Variants in TRERF1 observed in about 807,000 individuals in gnomAD.
TRERF1 encodes the protein transcriptional regulating factor 1, also known as transcriptional-regulating factor 1.
Under a neutral mutation model 122.9 loss-of-function variants are expected in TRERF1, and 27 were observed. The ratio of observed to expected loss-of-function variants is 0.22; its 90% CI spans 0.16 to 0.30. The LOEUF (loss-of-function observed/expected upper bound fraction) is 0.30. Among genes scored for constraint, TRERF1 ranks in the 10% least tolerant of loss-of-function variants. TRERF1 has a pLI of 1.00. For synonymous variants in TRERF1, 636 were observed against 641.7 expected (o/e 0.99, Z 0.13); for missense variants, 1,248 against 1,560.3 (o/e 0.80, Z 3.37).
At chr6:42,354,938 G>C (rs1270043915) in intron 3 of TRERF1, among the ~76,000 whole-genome samples, 1 of 152,164 alleles carries the variant, frequency 6.6e-6, no homozygotes, top group African/African-American at 2.4e-5. Context: ...AATGGTACTA[G>C]ACTCATGAAC....
At chr6:42,235,700 T>G (rs554878690) in intron 16 of TRERF1, among the ~76,000 whole-genome samples, 7 of 152,328 alleles carry the variant, frequency 4.6e-5, no homozygotes, top group African/African-American at 1.7e-4. Context: ...TGTTCTCAAT[T>G]TTAAATTAGT....
At chr6:42,265,866 T>A (rs1171056025) in intron 5 of TRERF1, 69 bp from the exon 6 acceptor site, 3 of 1,527,936 alleles carry the variant, frequency 2.0e-6, no homozygotes, top group Non-Finnish European at 2.7e-6. Context: ...GGAGAAGTCC[T>A]CGAGCAGTGG....
intron 2 of TRERF1, among the ~76,000 whole-genome samples, chr6:42,364,068 G>T (rs946847931): frequency 1.3e-5 from 2 of 152,230 alleles, no homozygotes; most frequent in Non-Finnish European, 2.9e-5. Context: ...CAAAGTCCTT[G>T]AAATGGCCAC....
intron 2 of TRERF1, among the ~76,000 whole-genome samples, chr6:42,371,363 C>A (rs1207910005): frequency 3.3e-5 from 5 of 152,156 alleles, no homozygotes; most frequent in Non-Finnish European, 5.9e-5. Context: ...CCAAATGCTT[C>A]CTCACTTGAT....
intron 2 of TRERF1, among the ~76,000 whole-genome samples, chr6:42,440,085 ACTCAT>A (rs909800911): frequency 6.6e-6 from 1 of 152,102 alleles, no homozygotes; most frequent in African/African-American, 2.4e-5. Flanking sequence ...GGGGCAGGGC[ACTCAT>A]CTCTTCTAAC....
chr6:42,332,840 TGAGGAGGGTCTTCTACG>T (rs563906402), intron 3 of TRERF1, among the ~76,000 whole-genome samples: 94 of 152,288 alleles, frequency 6.2e-4, no homozygotes, highest in African/African-American at 2.0e-3. Context: ...CAGCTGGGTA[TGAGGAGGGTCTTCTACG>T]GAGGAGGGTC....
chr6:42,412,092 C>T (rs1781190224), intron 2 of TRERF1, among the ~76,000 whole-genome samples: 1 of 151,256 alleles, frequency 6.6e-6, no homozygotes, highest in Non-Finnish European at 1.5e-5. Context: ...ACTCCGCCTC[C>T]CGGGTTCAAA....
At chr6:42,293,941 T>C (rs1252261027) in intron 4 of TRERF1, among the ~76,000 whole-genome samples, 3 of 152,126 alleles carry the variant, frequency 2.0e-5, no homozygotes, top group South Asian at 2.1e-4. Context: ...CCTGAGACCC[T>C]GCCTGGCCTG....
chr6:42,313,594 T>A (rs1762023512), intron 3 of TRERF1, among the ~76,000 whole-genome samples: 1 of 152,144 alleles, frequency 6.6e-6, no homozygotes, highest in Non-Finnish European at 1.5e-5. Context: ...TTGTGCACTC[T>A]CCTGGGATGT....
chr6:42,413,836 AT>A (rs1781464809), intron 2 of TRERF1, among the ~76,000 whole-genome samples: 1 of 152,206 alleles, frequency 6.6e-6, no homozygotes, highest in Non-Finnish European at 1.5e-5. Context: ...TAAGAAAAAA[AT>A]GAAAGATAAA....
Position 42,232,816 on chromosome 6 carries a change from C to A in TRERF1, c.3143G>T (p.Gly1048Val). Residue 1048 changes from glycine (G) to valine (V), a missense_variant, in exon 17 of 18, where the codon GGT becomes GTT. By Grantham distance (109) the Gly-to-Val change is moderately radical (BLOSUM62 -3). Transcript: ENST00000372922. The surrounding 1 kb of genome is among the most constrained non-coding windows in gnomAD (Gnocchi z 4.5). ...CTTCTGCTTCCCAGAGGGGATGGCA[C>A]CTCGGGCCTTGGTCACCTGGTTGGT... The A allele has an allele frequency of 4.3e-6, 7 of 1,612,920 alleles. No individual in the cohort carries two copies. Among genetic ancestry groups the A allele is most frequent in the South Asian group, 2.2e-5 (2 of 90,724 alleles).
intron 3 of TRERF1, among the ~76,000 whole-genome samples, chr6:42,349,471 T>C (rs1768983742): frequency 6.6e-6 from 1 of 151,988 alleles, no homozygotes; most frequent in Admixed American, 6.6e-5. Flanking sequence ...AAAATATGGT[T>C]AAAGTAATGC....
At chr6:42,277,074 C>G (rs35354652) in intron 4 of TRERF1, among the ~76,000 whole-genome samples, 4,163 of 152,266 alleles carry the variant, frequency 0.027, 57 homozygotes, top group Non-Finnish European at 0.037. Context: ...TCGTCTCCCC[C>G]CTGTGACTAC....
At chr6:42,236,291 C>T (rs200766516) in exon 16 of TRERF1, 43 of 1,611,514 alleles carry the variant, frequency 2.7e-5, no homozygotes, top group Non-Finnish European at 3.1e-5. Flanking sequence ...GGAGCCAGGA[C>T]GGGGACGGGT....
chr6:42,300,777 A>G (rs1408675670), intron 3 of TRERF1, 28 bp from the exon 4 acceptor site: 1 of 152,620 alleles, frequency 6.6e-6, no homozygotes, highest in Non-Finnish European at 1.5e-5. Context: ...AGGAAAGGTC[A>G]TTTCCTCATC....
At chr6:42,420,807 G>A (rs933657722) in intron 2 of TRERF1, among the ~76,000 whole-genome samples, 2 of 152,168 alleles carry the variant, frequency 1.3e-5, no homozygotes, top group Admixed American at 1.3e-4. Flanking sequence ...TAAGTCATGG[G>A]GGGATTACTA....
intron 2 of TRERF1, among the ~76,000 whole-genome samples, chr6:42,428,514 C>T (rs139808354): frequency 6.6e-6 from 1 of 152,350 alleles, no homozygotes; most frequent in Non-Finnish European, 1.5e-5. Context: ...GTCTCCAGAG[C>T]TGAGGCTCTC....
intron 2 of TRERF1, among the ~76,000 whole-genome samples, chr6:42,438,726 T>C (rs1785927837): frequency 6.6e-6 from 1 of 152,186 alleles, no homozygotes; most frequent in Admixed American, 6.5e-5. Context: ...TAAAACTCTT[T>C]CCAAGTTTTT....
intron 9 of TRERF1, among the ~76,000 whole-genome samples, chr6:42,258,801 C>T (rs1777246275): frequency 6.6e-6 from 1 of 152,094 alleles, no homozygotes; most frequent in Non-Finnish European, 1.5e-5. Flanking sequence ...GTGGCATGAT[C>T]TTGGCTCACT....
Sources: gnomAD v4.1 joint callset for allele counts (sites outside exome capture counted in the v4.1 genomes callset) on GRCh38, gnomAD v4.1.1 for gene constraint, Gnocchi (gnomAD v3.1) non-coding constraint, MANE v1.5 for transcripts, NCBI Gene and HGNC (gene_info 2026-07-23, HGNC 2026-07-21) for gene names.